The following PCDH7 variants were observed in gnomAD, a reference collection of about 807,000 sequenced individuals.
PCDH7 encodes the protein protocadherin 7.
In PCDH7, 17 loss-of-function variants were observed where a neutral mutation model predicts 58.9. The observed-to-expected ratio is 0.29, with a 90% CI of 0.20 to 0.43. PCDH7 has a LOEUF of 0.43. PCDH7 is among the 20% of genes least tolerant of loss of function. PCDH7 has a pLI of 1.00. For synonymous variants in PCDH7, 664 were observed against 616.4 expected, an observed-to-expected ratio of 1.08 and a Z score of -1.14; for missense variants, 1,274 against 1,441.0, an observed-to-expected ratio of 0.88 and a Z score of 1.88.
At chr4:30,988,831 G>A (rs1751211594) in intron 3 of PCDH7, among the ~76,000 whole-genome samples, 1 of 152,038 alleles carries the variant, frequency 6.6e-6, no homozygotes, top group Non-Finnish European at 1.5e-5. Flanking sequence ...TTCTTTGCAG[G>A]CCCTGTGCAA....
intron 1 of PCDH7, among the ~76,000 whole-genome samples, chr4:30,904,140 G>A (rs1423246113): frequency 1.3e-5 from 2 of 151,986 alleles, no homozygotes; most frequent in African/African-American, 2.4e-5. Context: ...ACCATAACCA[G>A]GATCTACAAC....
chr4:31,106,731 T>C (rs920812629), intron 3 of PCDH7, among the ~76,000 whole-genome samples: 12 of 152,370 alleles, frequency 7.9e-5, no homozygotes, highest in African/African-American at 2.9e-4. Context: ...ACTGGGTGAA[T>C]TGGCCACACT....
At chr4:31,125,727 T>C (rs1340210943) in intron 3 of PCDH7, among the ~76,000 whole-genome samples, 1 of 152,228 alleles carries the variant, frequency 6.6e-6, no homozygotes, top group Non-Finnish European at 1.5e-5. Flanking sequence ...CACAGTGCAC[T>C]GTGTTGTCAG....
At chr4:31,059,131 T>C (rs1270338015) in intron 3 of PCDH7, among the ~76,000 whole-genome samples, 1 of 151,972 alleles carries the variant, frequency 6.6e-6, no homozygotes, top group African/African-American at 2.4e-5. Context: ...CATTATGTCT[T>C]AAGATCATTT....
intron 3 of PCDH7, among the ~76,000 whole-genome samples, chr4:31,112,417 C>G (rs191897458): frequency 6.6e-6 from 1 of 151,816 alleles, no homozygotes; most frequent in Admixed American, 6.5e-5. Flanking sequence ...TTCATAAAAT[C>G]TACTATTAGG....
chr4:30,843,014 A>G (rs1016528829), intron 1 of PCDH7, among the ~76,000 whole-genome samples: 1 of 151,522 alleles, frequency 6.6e-6, no homozygotes, highest in Non-Finnish European at 1.5e-5. Context: ...CCTAGCAATT[A>G]CTACCGGCAT....
chr4:30,911,331 C>CAA (rs1408022922), intron 1 of PCDH7, among the ~76,000 whole-genome samples: 104 of 94,080 alleles, frequency 1.1e-3, no homozygotes, highest in African/African-American at 4.6e-3. Flanking sequence ...CCCCCCCCCC[C>CAA]AAAAAAAAGA....
intron 1 of PCDH7, among the ~76,000 whole-genome samples, chr4:30,891,413 C>T (rs1013660668): frequency 2.6e-5 from 4 of 151,888 alleles, no homozygotes; most frequent in African/African-American, 9.7e-5. Flanking sequence ...AAATATTAAG[C>T]CTGAGTTTTA....
intron 3 of PCDH7, among the ~76,000 whole-genome samples, chr4:31,067,649 G>A (rs1394239246): frequency 6.6e-6 from 1 of 151,894 alleles, no homozygotes; most frequent in Non-Finnish European, 1.5e-5. Flanking sequence ...TATATGAAAT[G>A]AGTAAGAAGT....
At chr4:30,741,193 C>T (rs771729839) in intron 1 of PCDH7, among the ~76,000 whole-genome samples, 2 of 151,752 alleles carry the variant, frequency 1.3e-5, no homozygotes, top group Non-Finnish European at 2.9e-5. Flanking sequence ...ATTAACTATG[C>T]GAGGCTGTTT....
intron 1 of PCDH7, among the ~76,000 whole-genome samples, chr4:30,752,672 C>A (rs1349982681): frequency 4.2e-5 from 5 of 118,880 alleles, no homozygotes; most frequent in South Asian, 5.5e-4. Context: ...TGTTTTCTTT[C>A]ATTGCTGAAG....
chr4:31,137,210 A>G (rs1000391336), intron 3 of PCDH7, among the ~76,000 whole-genome samples: 1 of 152,198 alleles, frequency 6.6e-6, no homozygotes, highest in African/African-American at 2.4e-5. Flanking sequence ...AGAAAACCAA[A>G]CACTTTAAAA....
chr4:30,923,600 T>C (rs1279278367), intron 2 of PCDH7, among the ~76,000 whole-genome samples: 1 of 152,138 alleles, frequency 6.6e-6, no homozygotes, highest in Non-Finnish European at 1.5e-5. Flanking sequence ...CGGAATCTAA[T>C]AATGTAGAAT....
intron 3 of PCDH7, among the ~76,000 whole-genome samples, chr4:31,104,778 G>A (rs1313470747): frequency 6.6e-6 from 1 of 152,124 alleles, no homozygotes; most frequent in Non-Finnish European, 1.5e-5. Flanking sequence ...TGTTTGTTGT[G>A]GCTGCCTGGT....
At chr4:31,079,048 T>A (rs2109265032) in intron 3 of PCDH7, among the ~76,000 whole-genome samples, 1 of 151,746 alleles carries the variant, frequency 6.6e-6, no homozygotes, top group South Asian at 2.1e-4. Context: ...ATGCACAAAA[T>A]AAATTCCAGG....
intron 3 of PCDH7, among the ~76,000 whole-genome samples, chr4:31,020,093 C>T (rs1028794641): frequency 6.6e-6 from 1 of 152,082 alleles, no homozygotes; most frequent in Non-Finnish European, 1.5e-5. Flanking sequence ...ACCCCTAGTC[C>T]CATTGATCCT....
intron 3 of PCDH7, among the ~76,000 whole-genome samples, chr4:31,058,260 A>G (rs558164831): frequency 1.3e-5 from 2 of 152,074 alleles, no homozygotes; most frequent in Non-Finnish European, 2.9e-5. Flanking sequence ...GGTGATACCC[A>G]TTTTCACTTA....
At chr4:31,114,776 C>G (rs987822566) in intron 3 of PCDH7, among the ~76,000 whole-genome samples, 2 of 151,922 alleles carry the variant, frequency 1.3e-5, no homozygotes, top group African/African-American at 2.4e-5. Context: ...ATACAACAAG[C>G]AAAATTCCTG....
At chr4:30,914,369 G>A (rs191446822) in intron 1 of PCDH7, among the ~76,000 whole-genome samples, 175 of 152,262 alleles carry the variant, frequency 1.1e-3, no homozygotes, top group African/African-American at 4.1e-3. Context: ...ATGTCCTTAA[G>A]TGAAAGTCTC....
Sources: gnomAD v4.1 joint callset for allele counts (sites outside exome capture counted in the v4.1 genomes callset) on GRCh38, gnomAD v4.1.1 for gene constraint, MANE v1.5 for transcripts, NCBI Gene and HGNC (gene_info 2026-07-23, HGNC 2026-07-21) for gene names.